Variants in CDK14 observed in about 807,000 individuals in gnomAD.
CDK14 encodes cyclin-dependent kinase 14.
In CDK14, 34 loss-of-function variants were observed where a neutral mutation model predicts 60.7. The ratio of observed to expected loss-of-function variants is 0.56; its 90% CI spans 0.43 to 0.75. The LOEUF (loss-of-function observed/expected upper bound fraction) is 0.75, where lower values mean the gene tolerates loss of function less well. Among genes scored for constraint, CDK14 ranks in the 30% least tolerant of loss-of-function variants. The probability of loss-of-function intolerance (pLI) is 0.00; values close to 1 mark genes in which losing one functional copy is unlikely to be tolerated. For synonymous variants in CDK14, 197 were observed against 203.7 expected (o/e 0.97, Z 0.28); for missense variants, 482 against 564.1 (o/e 0.85, Z 1.47).
At position 91,086,082 on chromosome 7, in the gene CDK14, C is replaced by T. The variant is rs563593582; in HGVS notation, c.1154+6602C>T. 4.6e-4 allele frequency among the ~76,000 whole-genome samples: 70 copies of T among 152,312 alleles called. No individual in the cohort carries two copies. In the South Asian group the frequency reaches 5.4e-3, roughly 12 times the overall value. On this transcript the variant is annotated intron_variant, in intron 12 of 14. Transcript: ENST00000380050. ...GACACAATTCTAGATCATTTAAATG[C>T]TCGTCAGTGTAATACAAATGTGGAT...
intron 6 of CDK14, among the ~76,000 whole-genome samples, chr7:90,876,784 C>T (rs987009575): frequency 5.3e-5 from 8 of 152,152 alleles, no homozygotes; most frequent in African/African-American, 1.9e-4. Flanking sequence ...AATGTTAAAG[C>T]GTGCCATTAT....
At chr7:90,870,345 G>A (rs566605393) in intron 6 of CDK14, among the ~76,000 whole-genome samples, 2 of 152,294 alleles carry the variant, frequency 1.3e-5, no homozygotes, top group African/African-American at 4.8e-5. Context: ...GTGCCAGAGG[G>A]TGGAGGCTGG....
intron 5 of CDK14, among the ~76,000 whole-genome samples, chr7:90,795,553 G>A (rs996236379): frequency 1.3e-5 from 2 of 151,538 alleles, no homozygotes; most frequent in South Asian, 4.2e-4. Context: ...TAGTAGTAAA[G>A]GCAAAAAAAG....
intron 4 of CDK14, among the ~76,000 whole-genome samples, chr7:90,760,575 C>T (rs1183199276): frequency 1.3e-5 from 2 of 152,214 alleles, no homozygotes; most frequent in Non-Finnish European, 2.9e-5. Context: ...CATGCTGTTT[C>T]TCCTTAGGTC....
At chr7:91,136,795 A>G (rs1800292054) in intron 14 of CDK14, among the ~76,000 whole-genome samples, 1 of 152,182 alleles carries the variant, frequency 6.6e-6, no homozygotes, top group African/African-American at 2.4e-5. Flanking sequence ...AAAAGACCCT[A>G]TACAAATGCA....
chr7:90,884,063 A>G (rs961465465), intron 6 of CDK14, among the ~76,000 whole-genome samples: 6 of 152,210 alleles, frequency 3.9e-5, no homozygotes, highest in African/African-American at 1.2e-4. Context: ...CTCCTATTCA[A>G]TATAGTGTTG....
At chr7:91,143,040 A>G (rs866898753) in intron 14 of CDK14, among the ~76,000 whole-genome samples, 27 of 152,218 alleles carry the variant, frequency 1.8e-4, no homozygotes, top group African/African-American at 6.0e-4. Context: ...AAATATAAAT[A>G]AAGTGCAATG....
intron 4 of CDK14, among the ~76,000 whole-genome samples, chr7:90,788,512 C>A (rs566296199): frequency 5.9e-5 from 9 of 152,128 alleles, no homozygotes; most frequent in Non-Finnish European, 1.3e-4. Context: ...GTCCTGTCTG[C>A]TAAAGCAGAA....
chr7:90,951,271 C>G (rs1488456096), intron 8 of CDK14, among the ~76,000 whole-genome samples: 1 of 150,696 alleles, frequency 6.6e-6, no homozygotes, highest in Non-Finnish European at 1.5e-5. Context: ...TTTTTTTTTT[C>G]TGATTAATTT....
intron 5 of CDK14, among the ~76,000 whole-genome samples, chr7:90,839,436 C>G (rs925821781): frequency 1.3e-5 from 2 of 152,162 alleles, no homozygotes; most frequent in African/African-American, 4.8e-5. Flanking sequence ...AAATCCACAG[C>G]AAGATAGCTT....
At chr7:91,027,737 G>C (rs1053247554) in intron 10 of CDK14, among the ~76,000 whole-genome samples, 2 of 144,098 alleles carry the variant, frequency 1.4e-5, no homozygotes, top group Non-Finnish European at 3.0e-5. Context: ...GTGAAGTCTG[G>C]GCTTTAGTGG....
chr7:90,792,917 T>G (rs937374787), intron 5 of CDK14, among the ~76,000 whole-genome samples: 1 of 152,258 alleles, frequency 6.6e-6, no homozygotes, highest in African/African-American at 2.4e-5. Flanking sequence ...GCTGGAATGC[T>G]CTTCCCTGGC....
chr7:91,046,867 T>C (rs962602819), intron 11 of CDK14, among the ~76,000 whole-genome samples: 9 of 152,190 alleles, frequency 5.9e-5, no homozygotes, highest in African/African-American at 1.9e-4. Context: ...CTTCCCCTCT[T>C]TTGGGGAACC....
At chr7:90,757,113 C>G (rs1804094241) in intron 4 of CDK14, among the ~76,000 whole-genome samples, 2 of 152,088 alleles carry the variant, frequency 1.3e-5, no homozygotes, top group Non-Finnish European at 2.9e-5. Flanking sequence ...TTCCATGCCT[C>G]TGTCCTAGCT....
At chr7:90,794,384 C>T (rs1805964104) in intron 5 of CDK14, among the ~76,000 whole-genome samples, 1 of 152,144 alleles carries the variant, frequency 6.6e-6, no homozygotes, top group Non-Finnish European at 1.5e-5. Context: ...TTTCCTCATC[C>T]TAATAAGCCT....
chr7:91,196,754 C>T (rs1170197435), intron 14 of CDK14, among the ~76,000 whole-genome samples: 1 of 152,212 alleles, frequency 6.6e-6, no homozygotes, highest in Non-Finnish European at 1.5e-5. Flanking sequence ...GCCTAAATCA[C>T]AGAGTCAAGA....
chr7:90,723,672 C>T (rs755625740), intron 2 of CDK14, among the ~76,000 whole-genome samples: 1 of 152,202 alleles, frequency 6.6e-6, no homozygotes, highest in Non-Finnish European at 1.5e-5. Flanking sequence ...AGTGTGAATA[C>T]TTAGAAGTGG....
intron 6 of CDK14, among the ~76,000 whole-genome samples, chr7:90,876,589 C>T (rs560390130): frequency 1.3e-5 from 2 of 152,266 alleles, no homozygotes; most frequent in Admixed American, 1.3e-4. Flanking sequence ...GCTTTCCTCA[C>T]TGCCAGTTTA....
intron 14 of CDK14, among the ~76,000 whole-genome samples, chr7:91,180,141 G>T (rs1801949298): frequency 6.6e-6 from 1 of 152,264 alleles, no homozygotes; most frequent in Non-Finnish European, 1.5e-5. Context: ...CTTGTCAGCT[G>T]AGGTGCAGAA....
Sources: gnomAD v4.1 joint callset for allele counts (sites outside exome capture counted in the v4.1 genomes callset) on GRCh38, gnomAD v4.1.1 for gene constraint, MANE v1.5 for transcripts, NCBI Gene and HGNC (gene_info 2026-07-23, HGNC 2026-07-21) for gene names.